The following PSPC1 variants were observed in gnomAD, a reference collection of about 807,000 sequenced individuals.
PSPC1 encodes the protein paraspeckle component 1.
A neutral mutation model predicts 51.6 loss-of-function variants in PSPC1; 14 were observed. The ratio of observed to expected loss-of-function variants is 0.27; its 90% CI spans 0.18 to 0.42. The LOEUF is 0.42. Among genes scored for constraint, PSPC1 ranks in the 10% least tolerant of loss-of-function variants. PSPC1 has a pLI of 1.00. For synonymous variants in PSPC1, 193 were observed against 231.9 expected (o/e 0.83, Z 1.53); for missense variants, 406 against 701.1 (o/e 0.58, Z 4.75).
At chr13:19,732,078 C>A (rs7991116) in intron 5 of PSPC1, among the ~76,000 whole-genome samples, 120,091 of 152,024 alleles carry the variant, frequency 0.79, 48,629 homozygotes, top group East Asian at 0.96. Context: ...TCCACTAATT[C>A]AAAGATATGG....
At chr13:19,731,048 T>C (rs903765701) in intron 5 of PSPC1, among the ~76,000 whole-genome samples, 3 of 147,224 alleles carry the variant, frequency 2.0e-5, no homozygotes, top group Non-Finnish European at 4.5e-5. Context: ...TCAGAACATA[T>C]CCAGAGATAA....
At chr13:19,724,123 A>C (rs1482030494) in intron 6 of PSPC1, among the ~76,000 whole-genome samples, 2 of 152,224 alleles carry the variant, frequency 1.3e-5, no homozygotes, top group African/African-American at 2.4e-5. Flanking sequence ...ACTTCAAAAA[A>C]CAAATCTTCT....
chr13:19,779,841 G>A (rs1889704871), intron 1 of PSPC1, among the ~76,000 whole-genome samples: 8 of 99,104 alleles, frequency 8.1e-5, no homozygotes, highest in African/African-American at 1.2e-4. Flanking sequence ...CCGGCCAGCC[G>A]CCCCATCCGG....
intron 2 of PSPC1, among the ~76,000 whole-genome samples, chr13:19,768,024 C>G (rs921272198): frequency 1.3e-5 from 2 of 151,728 alleles, no homozygotes; most frequent in African/African-American, 4.8e-5. Context: ...TAGGGACCAG[C>G]CTGGGTGACA....
At chr13:19,709,158 CA>C (rs11446310) in intron 7 of PSPC1, among the ~76,000 whole-genome samples, 75 of 83,722 alleles carry the variant, frequency 9.0e-4, no homozygotes, top group Middle Eastern at 0.016. Context: ...GGTCCTGCCT[CA>C]AAAAAAAAAA....
Position 19,690,161 on chromosome 13 carries a change from G to A in PSPC1, c.1159-12338C>T, listed in dbSNP as rs535698221. On this transcript the variant is annotated intron_variant and NMD_transcript_variant, in intron 6 of 7. Coordinates refer to the PSPC1 transcript ENST00000471658. ...TATCCAATGTATCAAAACCTGAGAG[G>A]ATTAGGTAGTCCCCTTCATCACATA... Among the ~76,000 whole-genome samples the A allele has an allele frequency of 3.0e-4, 45 of 152,300 alleles. No homozygotes were observed. In the South Asian group the frequency reaches 6.0e-3, roughly 20 times the overall value.
chr13:19,751,084 T>C lies in PSPC1; in HGVS notation c.967+187A>G, dbSNP rs551550551. 2.6e-5 allele frequency among the ~76,000 whole-genome samples: 4 copies of C among 152,152 alleles called. No homozygotes were observed. In the East Asian group the frequency reaches 7.7e-4, roughly 29 times the overall value. On this transcript the variant is annotated intron_variant, in intron 4 of 8. Coordinates refer to ENST00000338910, the MANE Select transcript of PSPC1 (RefSeq NM_001354909.2). ...GCGCCCGTCAAGTAAAACTAACTTT[T>C]AGTAAGTTGTGTTCTTTTTTTTAAG...
Position 19,705,034 on chromosome 13 carries a change from A to G in PSPC1, c.1386+628T>C, listed in dbSNP as rs539885330. Reference sequence around the variant, plus strand: ...TGTCCCCATCAAATATAAGGAGTCCACACAGGAAAAGAACACTATCATAAA... The same window carrying G: ...TGTCCCCATCAAATATAAGGAGTCCGCACAGGAAAAGAACACTATCATAAA... On this transcript the variant is annotated intron_variant, in intron 8 of 8. Coordinates refer to ENST00000338910, the MANE Select transcript of PSPC1 (RefSeq NM_001354909.2). 8.2e-4 allele frequency among the ~76,000 whole-genome samples: 125 copies of G among 152,364 alleles called. 1 individual carries two copies. Among genetic ancestry groups the G allele is most frequent in the African/African-American group, 3.0e-3 (123 of 41,592 alleles).
At chr13:19,717,896 G>C (rs1219753834) in intron 6 of PSPC1, among the ~76,000 whole-genome samples, 2 of 151,044 alleles carry the variant, frequency 1.3e-5, no homozygotes, top group Admixed American at 1.3e-4. Context: ...AAGTAAATAA[G>C]GGTCAGGCAT....
At chr13:19,744,214 C>T (rs1349980265) in intron 4 of PSPC1, among the ~76,000 whole-genome samples, 1 of 152,158 alleles carries the variant, frequency 6.6e-6, no homozygotes, top group Non-Finnish European at 1.5e-5. Context: ...TAGCTCACTA[C>T]AGCCTCAAAA....
chr13:19,752,038 A>G (rs1886606263), intron 3 of PSPC1, among the ~76,000 whole-genome samples: 1 of 152,180 alleles, frequency 6.6e-6, no homozygotes, highest in African/African-American at 2.4e-5. Flanking sequence ...TGCCTGGGTG[A>G]CAGAGCGAGA....
chr13:19,764,701 A>AAAAAAAAAG (rs58589558), intron 2 of PSPC1, among the ~76,000 whole-genome samples: 1 of 148,542 alleles, frequency 6.7e-6, no homozygotes, highest in African/African-American at 2.4e-5. Context: ...AAAAAAAAAA[A>AAAAAAAAAG]GGTGGCTTAA....
intron 6 of PSPC1, among the ~76,000 whole-genome samples, chr13:19,716,578 G>A (rs540954845): frequency 1.3e-5 from 2 of 152,084 alleles, no homozygotes; most frequent in South Asian, 2.1e-4. Flanking sequence ...GAATTGTCCA[G>A]GAATCACCAC....
chr13:19,775,636 A>G (rs370271627), intron 1 of PSPC1, among the ~76,000 whole-genome samples: 1 of 152,348 alleles, frequency 6.6e-6, no homozygotes, highest in South Asian at 2.1e-4. Context: ...CTTTTAACTC[A>G]CTAGTAACAG....
intron 6 of PSPC1, among the ~76,000 whole-genome samples, chr13:19,688,536 A>C (rs1878193398): frequency 6.6e-6 from 1 of 152,136 alleles, no homozygotes; most frequent in Non-Finnish European, 1.5e-5. Flanking sequence ...TTTCTCCCTT[A>C]AGATCTTTTC....
chr13:19,707,848 C>T (rs1443025322), intron 7 of PSPC1, among the ~76,000 whole-genome samples: 1 of 152,066 alleles, frequency 6.6e-6, no homozygotes, highest in Non-Finnish European at 1.5e-5. Flanking sequence ...TGCCTATAAT[C>T]TACAATAACC....
chr13:19,751,494 A>G, intron 3 of PSPC1, 27 bp from the exon 4 acceptor site: 1 of 1,424,198 alleles, frequency 7.0e-7, no homozygotes, highest in Non-Finnish European at 9.3e-7. Flanking sequence ...ACATACAGAA[A>G]TGTATGCTTA....
chr13:19,682,486 C>CAAAA (rs138769031), intron 6 of PSPC1, among the ~76,000 whole-genome samples: 1 of 98,628 alleles, frequency 1.0e-5, no homozygotes, highest in African/African-American at 3.9e-5. Flanking sequence ...GGCTGAATGG[C>CAAAA]AAAAAAAAAA....
At position 19,713,545 on chromosome 13, in the gene PSPC1, CAAAAAAAAAA is replaced by C. The variant is rs61024238; in HGVS notation, c.1159-3956_1159-3947del. Among the ~76,000 whole-genome samples, 97 of 87,212 alleles carry C rather than the reference CAAAAAAAAAA, an allele frequency of 1.1e-3. No individual in the cohort carries two copies. In the South Asian group the frequency reaches 0.017, roughly 15 times the overall value. The allele number at this position is 87,212 out of a possible 152,430, so 57.2% of individuals were successfully genotyped here. A position where few individuals can be genotyped will look rare whatever the true frequency, so the allele number is the denominator to read the frequency against. On this transcript the variant is annotated intron_variant, in intron 6 of 8. Transcript: ENST00000338910. ...AACATATCTCCATGTCCCAGACAGC[CAAAAAAAAAA>C]AAAAAAAAAAGAATTCCAACAGTCG...
Sources: allele counts gnomAD v4.1 joint callset (sites outside exome capture counted in the v4.1 genomes callset), GRCh38; gene constraint gnomAD v4.1.1; transcripts MANE v1.5; gene names NCBI Gene and HGNC (gene_info 2026-07-23, HGNC 2026-07-21).